Variants in GABRB2 observed in about 807,000 individuals in gnomAD.
The protein encoded by GABRB2 is gamma-aminobutyric acid type A receptor subunit beta2.
In GABRB2, 16 loss-of-function variants were observed where a neutral mutation model predicts 54.7. The observed-to-expected ratio is 0.29, with a 90% CI of 0.20 to 0.44. The LOEUF is 0.44. GABRB2 is among the 20% of genes least tolerant of loss of function. GABRB2 has a pLI of 1.00. For synonymous variants in GABRB2, 244 were observed against 233.8 expected (o/e 1.04, Z -0.40); for missense variants, 355 against 644.0 (o/e 0.55, Z 4.86).
At chr5:161,296,981 T>C (rs252963) in intron 9 of GABRB2, among the ~76,000 whole-genome samples, 17,841 of 152,258 alleles carry the variant, frequency 0.12, 1,139 homozygotes, top group Non-Finnish European at 0.14. Flanking sequence ...TTGATTATTA[T>C]GACATGCCAT....
intron 9 of GABRB2, among the ~76,000 whole-genome samples, chr5:161,304,928 G>GA (rs1021568683): frequency 1.3e-4 from 19 of 151,454 alleles, no homozygotes; most frequent in Middle Eastern, 3.4e-3. Flanking sequence ...GTTGTATGGG[G>GA]AAAAAGATTG....
chr5:161,393,714 T>G (rs1755907968), intron 5 of GABRB2, among the ~76,000 whole-genome samples: 1 of 152,088 alleles, frequency 6.6e-6, no homozygotes. Context: ...GACCTAATAA[T>G]TCTCAGTGTA....
At chr5:161,431,745 C>T (rs1757177779) in intron 4 of GABRB2, among the ~76,000 whole-genome samples, 1 of 152,168 alleles carries the variant, frequency 6.6e-6, no homozygotes, top group Admixed American at 6.5e-5. Flanking sequence ...ATACCACTTA[C>T]ATCCTTAGAT....
At chr5:161,362,701 C>T (rs949178189) in intron 5 of GABRB2, among the ~76,000 whole-genome samples, 1 of 151,990 alleles carries the variant, frequency 6.6e-6, no homozygotes, top group Non-Finnish European at 1.5e-5. Flanking sequence ...ACAACCCCAT[C>T]AAAAGGTAGG....
chr5:161,358,184 C>T (rs1411405406), intron 5 of GABRB2, among the ~76,000 whole-genome samples: 1 of 152,020 alleles, frequency 6.6e-6, no homozygotes, highest in Admixed American at 6.6e-5. Context: ...AGAGTATGGT[C>T]AATAAAATCA....
chr5:161,338,951 T>G (rs1031526742), intron 5 of GABRB2, among the ~76,000 whole-genome samples: 1 of 152,144 alleles, frequency 6.6e-6, no homozygotes, highest in Non-Finnish European at 1.5e-5. Flanking sequence ...GCCTATCCCA[T>G]AGGATAACTG....
chr5:161,487,342 G>C (rs1391233100), intron 3 of GABRB2, among the ~76,000 whole-genome samples: 1 of 151,818 alleles, frequency 6.6e-6, no homozygotes, highest in Non-Finnish European at 1.5e-5. Flanking sequence ...AATTGGACTG[G>C]AGCAGGTAAT....
At chr5:161,449,798 A>G (rs1472040186) in intron 4 of GABRB2, among the ~76,000 whole-genome samples, 3 of 152,064 alleles carry the variant, frequency 2.0e-5, no homozygotes, top group African/African-American at 7.2e-5. Context: ...ATGCACACAC[A>G]CAATAGCAAC....
At chr5:161,544,976 T>C (rs1760931622) in intron 3 of GABRB2, among the ~76,000 whole-genome samples, 2 of 152,182 alleles carry the variant, frequency 1.3e-5, no homozygotes, top group Middle Eastern at 3.4e-3. Context: ...CTGCACGTGG[T>C]TGCGTTTTAC....
intron 4 of GABRB2, among the ~76,000 whole-genome samples, chr5:161,418,855 T>C (rs1756760557): frequency 6.6e-6 from 1 of 152,098 alleles, no homozygotes. Flanking sequence ...GGCCAAGTGC[T>C]ATGGCTCACA....
intron 5 of GABRB2, among the ~76,000 whole-genome samples, chr5:161,380,221 T>C (rs1755423409): frequency 1.3e-5 from 2 of 152,118 alleles, no homozygotes; most frequent in South Asian, 4.1e-4. Context: ...AACCTATTGT[T>C]TTTGGAATCA....
chr5:161,438,101 A>G (rs534806017), intron 4 of GABRB2, among the ~76,000 whole-genome samples: 17 of 152,302 alleles, frequency 1.1e-4, no homozygotes, highest in African/African-American at 3.8e-4. Context: ...AAGACCCAGC[A>G]TTGTCCTGGC....
intron 5 of GABRB2, among the ~76,000 whole-genome samples, chr5:161,346,752 T>C (rs1002469061): frequency 2.6e-5 from 4 of 152,272 alleles, no homozygotes; most frequent in Non-Finnish European, 2.9e-5. Flanking sequence ...AAACTCTAGA[T>C]ATGAACCCTT....
intron 4 of GABRB2, among the ~76,000 whole-genome samples, chr5:161,428,287 A>ATGTGTGTG (rs1561646509): frequency 0.014 from 1,839 of 129,002 alleles, 47 homozygotes; most frequent in African/African-American, 0.054. Context: ...TCAGAGAGTT[A>ATGTGTGTG]CGTGTGTGTG....
At chr5:161,444,050 G>GTA (rs2113216838) in intron 4 of GABRB2, among the ~76,000 whole-genome samples, 1 of 152,216 alleles carries the variant, frequency 6.6e-6, no homozygotes, top group African/African-American at 2.4e-5. Flanking sequence ...GAAAATCAAT[G>GTA]TATAGGTCCA....
chr5:161,431,754 A>G (rs1055560801), intron 4 of GABRB2, among the ~76,000 whole-genome samples: 18 of 152,180 alleles, frequency 1.2e-4, no homozygotes, highest in African/African-American at 4.3e-4. Context: ...ACATCCTTAG[A>G]TTCATTTGAA....
At chr5:161,336,546 C>G (rs1165276275) in intron 6 of GABRB2, 86 bp downstream of exon 6, 1 of 1,455,528 alleles carries the variant, frequency 6.9e-7, no homozygotes, top group African/African-American at 1.4e-5. Flanking sequence ...TGGTGCTTCC[C>G]TGGGACAGAA....
chr5:161,494,543 G>A (rs974149746), intron 3 of GABRB2, among the ~76,000 whole-genome samples: 89 of 119,688 alleles, frequency 7.4e-4, no homozygotes, highest in East Asian at 1.8e-3. Flanking sequence ...GTATGCGTGT[G>A]TGTGTGTGTG....
rs1758587128 is a variant in GABRB2, at chr5:161,476,207, T to A, written c.238-16363A>T. ...TCATTTACAATAGTATCAAAGAGAGTAAAATACTTAGGAATAAACTTAACC... is the reference window on the plus strand; with the variant it reads ...TCATTTACAATAGTATCAAAGAGAGAAAAATACTTAGGAATAAACTTAACC... On this transcript the variant is annotated intron_variant, in intron 3 of 9. Transcript: ENST00000393959. 3.3e-5 allele frequency among the ~76,000 whole-genome samples: 5 copies of A among 151,686 alleles called. No individual in the cohort carries two copies. The South Asian group carries it at 1.0e-3, about 31-fold the overall frequency.
Sources: gnomAD v4.1 joint callset for allele counts (sites outside exome capture counted in the v4.1 genomes callset) on GRCh38, gnomAD v4.1.1 for gene constraint, MANE v1.5 for transcripts, NCBI Gene and HGNC (gene_info 2026-07-23, HGNC 2026-07-21) for gene names.